The following SLC9D1 variants were observed in gnomAD, a reference collection of about 807,000 sequenced individuals.
The protein encoded by SLC9D1 is solute carrier family 9 member D1, also known as putative LAG1-interacting protein.
At chr13:113,504,654 A>C in the SLC9D1 span, 1 of 152,232 alleles carries the variant, frequency 6.6e-6, no homozygotes, top group Non-Finnish European at 1.5e-5. Flanking sequence ...GGTTGCTACA[A>C]ATACCCCTTT....
chr13:113,493,304 T>G, the SLC9D1 span, among the ~76,000 whole-genome samples: 2 of 152,214 alleles, frequency 1.3e-5, no homozygotes, highest in Admixed American at 6.5e-5. Flanking sequence ...AAGCATAAAA[T>G]CCATCAAAGA....
At chr13:113,510,575 A>G in the SLC9D1 span, 1 of 684,774 alleles carries the variant, frequency 1.5e-6, no homozygotes, top group Non-Finnish European at 2.4e-6. Flanking sequence ...CAGGGCTTAC[A>G]TTCTGCAAGG....
the SLC9D1 span, among the ~76,000 whole-genome samples, chr13:113,521,242 GGTGT>G: frequency 6.6e-6 from 1 of 151,452 alleles, no homozygotes; most frequent in African/African-American, 2.4e-5. Context: ...CTGCATGTGT[GGTGT>G]GTGTGTTTGT....
chr13:113,533,340 A>C, the SLC9D1 span, among the ~76,000 whole-genome samples: 1 of 152,068 alleles, frequency 6.6e-6, no homozygotes, highest in South Asian at 2.1e-4. Context: ...TGGCAGTTTG[A>C]GATTTGCGTT....
chr13:113,543,596 G>A, the SLC9D1 span, among the ~76,000 whole-genome samples: 34 of 130,674 alleles, frequency 2.6e-4, no homozygotes, highest in Non-Finnish European at 4.5e-4. Flanking sequence ...CTGATTTCCT[G>A]ATCTTCCTTT....
chr13:113,539,566 T>C, the SLC9D1 span: 4 of 1,557,828 alleles, frequency 2.6e-6, no homozygotes, highest in Admixed American at 3.4e-5. The surrounding 1 kb of genome is among the most constrained non-coding windows in gnomAD (Gnocchi z 4.8). Context: ...AGTGGTTCTG[T>C]AATATGTTTA....
chr13:113,498,384 C>A, the SLC9D1 span: 1 of 1,561,332 alleles, frequency 6.4e-7, no homozygotes, highest in Admixed American at 2.2e-5. Flanking sequence ...AGAAAAACAT[C>A]AAGTTGAAGC....
chr13:113,533,972 T>A, the SLC9D1 span: 1 of 1,190,658 alleles, frequency 8.4e-7, no homozygotes, highest in Non-Finnish European at 1.2e-6. Context: ...AGAAAAAAAC[T>A]GAAAGATTAT....
the SLC9D1 span, chr13:113,520,442 C>A: frequency 2.1e-6 from 1 of 471,842 alleles, no homozygotes; most frequent in Non-Finnish European, 3.8e-6. Context: ...TGAGATCGAG[C>A]CACTGCACTC....
the SLC9D1 span, chr13:113,498,285 T>C: frequency 2.3e-6 from 3 of 1,287,644 alleles, no homozygotes; most frequent in Non-Finnish European, 3.1e-6. Context: ...ATTAAGAAAG[T>C]CATGTCCTAG....
the SLC9D1 span, chr13:113,504,305 T>C: frequency 0.18 from 28,021 of 152,008 alleles, 3,374 homozygotes; most frequent in African/African-American, 0.35. Flanking sequence ...ATCATTCAGC[T>C]CTCTCATGTA....
chr13:113,548,257 G>A, the SLC9D1 span: 2 of 1,606,702 alleles, frequency 1.2e-6, no homozygotes, highest in Non-Finnish European at 1.7e-6. Flanking sequence ...GTTTAACTCT[G>A]TGTGGGTCCA....
At chr13:113,549,589 G>A in the SLC9D1 span, 18 of 1,611,082 alleles carry the variant, frequency 1.1e-5, no homozygotes, top group South Asian at 9.9e-5. Flanking sequence ...GGGAGTGAGC[G>A]CTTAGATGGC....
the SLC9D1 span, among the ~76,000 whole-genome samples, chr13:113,511,456 C>T: frequency 6.6e-6 from 1 of 152,184 alleles, no homozygotes; most frequent in Admixed American, 6.5e-5. Flanking sequence ...CATGTGCCCT[C>T]ACTGTGTGAC....
chr13:113,538,020 C>T, the SLC9D1 span, among the ~76,000 whole-genome samples: 1 of 147,318 alleles, frequency 6.8e-6, no homozygotes, highest in Non-Finnish European at 1.5e-5. Context: ...TGCTTTGTGG[C>T]ATGTGTACAT....
the SLC9D1 span, among the ~76,000 whole-genome samples, chr13:113,540,188 C>T: frequency 5.0e-4 from 76 of 152,246 alleles, no homozygotes; most frequent in African/African-American, 1.5e-3. Flanking sequence ...GTGAATGGCG[C>T]GGTGATGAAC....
the SLC9D1 span, among the ~76,000 whole-genome samples, chr13:113,522,507 A>G: frequency 4.6e-5 from 7 of 151,982 alleles, no homozygotes; most frequent in African/African-American, 1.5e-4. Flanking sequence ...AGCCCGGCCA[A>G]TTTTTTGTAT....
the SLC9D1 span, among the ~76,000 whole-genome samples, chr13:113,513,954 G>A: frequency 6.6e-6 from 1 of 152,200 alleles, no homozygotes; most frequent in African/African-American, 2.4e-5. Context: ...GAGCCGGGGG[G>A]TCGGGGCCCA....
At chr13:113,539,470 C>G in the SLC9D1 span, 2 of 1,613,442 alleles carry the variant, frequency 1.2e-6, no homozygotes, top group South Asian at 2.2e-5. The surrounding 1 kb of genome is among the most constrained non-coding windows in gnomAD (Gnocchi z 4.8). Context: ...TCGAACCCAT[C>G]CGCGACTTCC....
Sources: allele counts gnomAD v4.1 joint callset (sites outside exome capture counted in the v4.1 genomes callset), GRCh38; gene constraint gnomAD v4.1.1; non-coding constraint Gnocchi (gnomAD v3.1); transcripts MANE v1.5; gene names NCBI Gene and HGNC (gene_info 2026-07-23, HGNC 2026-07-21).